The following JAKMIP1 variants were observed in gnomAD, a reference collection of about 807,000 sequenced individuals.
The protein encoded by JAKMIP1 is janus kinase and microtubule interacting protein 1.
In JAKMIP1, 33 loss-of-function variants were observed where a neutral mutation model predicts 113.0. The ratio of observed to expected loss-of-function variants is 0.29; its 90% CI spans 0.22 to 0.39. The LOEUF (loss-of-function observed/expected upper bound fraction) is 0.39. Ranked by LOEUF, JAKMIP1 falls within the 10% of genes least tolerant of loss-of-function variation. The probability of loss-of-function intolerance (pLI) is 1.00; values close to 1 mark genes in which losing one functional copy is unlikely to be tolerated. For synonymous variants in JAKMIP1, 480 were observed against 459.9 expected, an observed-to-expected ratio of 1.04 and a Z score of -0.56; for missense variants, 813 against 1,080.5, an observed-to-expected ratio of 0.75 and a Z score of 3.47.
chr4:6,113,789 G>T lies in JAKMIP1; in HGVS notation c.-147-792C>A, dbSNP rs1303693688. ...CATCTGACAAACTGTAATTGACTTA[G>T]TTCTCATCTATGTCCCCTACACGAG... On this transcript the variant is annotated intron_variant, in intron 1 of 20. Transcript: ENST00000409021. Among the ~76,000 whole-genome samples, 6 of 152,082 alleles carry T rather than the reference G, an allele frequency of 3.9e-5. No homozygotes were observed. In the East Asian group the frequency reaches 1.2e-3, roughly 30 times the overall value.
At chr4:6,056,061 C>G (rs1716390982) in intron 12 of JAKMIP1, among the ~76,000 whole-genome samples, 2 of 149,098 alleles carry the variant, frequency 1.3e-5, no homozygotes, top group East Asian at 2.0e-4. Context: ...CCCCAGAGGA[C>G]AGGGCTGCCC....
In JAKMIP1 at chr4:6,193,390, T is replaced by C. The variant is rs1727494330; in HGVS notation, c.-148+6863A>G. 6.6e-6 allele frequency among the ~76,000 whole-genome samples: 1 copy of C among 152,198 alleles called. No homozygotes were observed. Among genetic ancestry groups the C allele is most frequent in the Admixed American group, 6.5e-5 (1 of 15,278 alleles). ...TCAATTCTCCTTAATAAACTCCTTT[T>C]CATATACACATATATCCGATTAGTT... On this transcript the variant is annotated intron_variant, in intron 1 of 20. Coordinates refer to ENST00000409021, the MANE Select transcript of JAKMIP1 (RefSeq NM_001099433.2). The surrounding 1 kb of genome is among the most constrained non-coding windows in gnomAD (Gnocchi z 6.4).
At chr4:6,030,202 C>G (rs1020846242) in intron 19 of JAKMIP1, among the ~76,000 whole-genome samples, 1 of 151,560 alleles carries the variant, frequency 6.6e-6, no homozygotes, top group South Asian at 2.1e-4. Context: ...CACCACATCA[C>G]GTACTTGTCT....
In JAKMIP1 at chr4:6,108,673, C is replaced by T. The variant is rs1043515298; in HGVS notation, c.130-2706G>A. Among the ~76,000 whole-genome samples the T allele has an allele frequency of 2.6e-5, 4 of 152,198 alleles. No homozygotes were observed. Among genetic ancestry groups the T allele is most frequent in the African/African-American group, 9.7e-5 (4 of 41,450 alleles). ...CCACACCCTCCATGCTCAAAGCCCT[C>T]TAAATCTCATGGGTACCAGTTCACT... On this transcript the variant is annotated intron_variant, in intron 2 of 20. Transcript: ENST00000409021. This position sits in a 1 kb window ranked among gnomAD's most constrained non-coding sequence, Gnocchi z 5.6.
Position 6,142,452 on chromosome 4 carries a change from C to T in JAKMIP1, c.-147-29455G>A, listed in dbSNP as rs1218232348. 6.6e-6 allele frequency among the ~76,000 whole-genome samples: 1 copy of T among 152,232 alleles called. No individual in the cohort carries two copies. Among genetic ancestry groups the T allele is most frequent in the Non-Finnish European group, 1.5e-5 (1 of 68,036 alleles). ...ACCTCCAGCCAAAGTCTTACATGAA[C>T]TTGTCACATGAGAGAAGTCCTACGT... On this transcript the variant is annotated intron_variant, in intron 1 of 20. Transcript: ENST00000409021. This position sits in a 1 kb window ranked among gnomAD's most constrained non-coding sequence, Gnocchi z 5.5.
At chr4:6,118,486 G>T (rs1273083713) in intron 1 of JAKMIP1, among the ~76,000 whole-genome samples, 2 of 152,132 alleles carry the variant, frequency 1.3e-5, no homozygotes, top group African/African-American at 4.8e-5. Context: ...TTCAGTTCTG[G>T]AGCCAACAGG....
rs550695945 is a variant in JAKMIP1, at chr4:6,037,350, G to A, written c.2176-1243C>T. Among the ~76,000 whole-genome samples, 3 of 120,542 alleles carry A rather than the reference G, an allele frequency of 2.5e-5. No individual in the cohort carries two copies. In the East Asian group the frequency reaches 6.1e-4, roughly 25 times the overall value. The allele number at this position is 120,542 out of a possible 152,430, so 79.1% of individuals were successfully genotyped here. ...CATCACCGAGGCAGAGGTTAACCCA[G>A]TAGCCCTCCATCACCGAGGCAGAGG... On this transcript the variant is annotated intron_variant, in intron 18 of 20. Transcript: ENST00000409021.
At chr4:6,125,610 CA>C (rs1717325070) in intron 1 of JAKMIP1, among the ~76,000 whole-genome samples, 3 of 131,494 alleles carry the variant, frequency 2.3e-5, no homozygotes, top group African/African-American at 9.1e-5. Flanking sequence ...CACACACACA[CA>C]CACACCATAC....
In JAKMIP1 at chr4:6,178,597, G is replaced by T. The variant is rs564875682; in HGVS notation, c.-148+21656C>A. Among the ~76,000 whole-genome samples, 2 of 152,080 alleles carry T rather than the reference G, an allele frequency of 1.3e-5. No individual in the cohort carries two copies. The highest frequency in any genetic ancestry group is 2.9e-5 in the Non-Finnish European group (2 of 68,022). ...TTCGAAACTGCATCTCCTTGATACC[G>T]CCAGGTGAAGAAGGACGTGTTTGCT... On this transcript the variant is annotated intron_variant, in intron 1 of 20. Coordinates refer to ENST00000409021, the MANE Select transcript of JAKMIP1 (RefSeq NM_001099433.2). The surrounding 1 kb of genome is among the most constrained non-coding windows in gnomAD (Gnocchi z 5.5).
intron 3 of JAKMIP1, among the ~76,000 whole-genome samples, chr4:6,090,003 C>G (rs1721813861): frequency 6.6e-6 from 1 of 152,142 alleles, no homozygotes; most frequent in Non-Finnish European, 1.5e-5. Context: ...AGGCGAATCA[C>G]CTGGGGTCAG....
Position 6,035,884 on chromosome 4 carries a change from C to G in JAKMIP1, c.2379+20G>C. On this transcript the variant is annotated intron_variant, in intron 19 of 20. Coordinates refer to ENST00000409021, the MANE Select transcript of JAKMIP1 (RefSeq NM_001099433.2). Reference sequence around the variant, plus strand: ...CAAGGGTGCCGGGGTGCTGTGGGCACAGCCGCTGTTGCCGCCTACCTGCTG... The same window carrying G: ...CAAGGGTGCCGGGGTGCTGTGGGCAGAGCCGCTGTTGCCGCCTACCTGCTG... 2 of 1,539,780 alleles carry G rather than the reference C, an allele frequency of 1.3e-6. No individual in the cohort carries two copies. The highest frequency in any genetic ancestry group is 4.0e-4 in the Middle Eastern group (2 of 4,966).
intron 18 of JAKMIP1, among the ~76,000 whole-genome samples, chr4:6,038,050 C>A (rs1310223481): frequency 7.2e-6 from 1 of 139,536 alleles, no homozygotes; most frequent in Non-Finnish European, 1.5e-5. Flanking sequence ...CAGAGGCTAA[C>A]CAGTATCCCT....
At chr4:6,066,170 C>T (rs1267738792) in intron 8 of JAKMIP1, among the ~76,000 whole-genome samples, 1 of 152,124 alleles carries the variant, frequency 6.6e-6, no homozygotes, top group Non-Finnish European at 1.5e-5. Flanking sequence ...ACAGAGAAAA[C>T]CCAGGCACTC....
At chr4:6,101,556 C>A (rs1022783210) in intron 3 of JAKMIP1, among the ~76,000 whole-genome samples, 1 of 151,924 alleles carries the variant, frequency 6.6e-6, no homozygotes, top group African/African-American at 2.4e-5. Context: ...ATTTTTACAT[C>A]AAATTTAGAA....
At position 6,154,046 on chromosome 4, in the gene JAKMIP1, A is replaced by G. The variant is rs376914583; in HGVS notation, c.-147-41049T>C. Among the ~76,000 whole-genome samples the G allele has an allele frequency of 1.3e-5, 2 of 152,304 alleles. No individual in the cohort carries two copies. The highest frequency in any genetic ancestry group is 2.4e-5 in the African/African-American group (1 of 41,564). ...GCTGCTGAACCAGAGTGAGAGTTCA[A>G]GGCCATCTCTGCAGCCCCCAGACCA... On this transcript the variant is annotated intron_variant, in intron 1 of 20. Coordinates refer to ENST00000409021, the MANE Select transcript of JAKMIP1 (RefSeq NM_001099433.2). The surrounding 1 kb of genome is among the most constrained non-coding windows in gnomAD (Gnocchi z 4.2).
intron 8 of JAKMIP1, among the ~76,000 whole-genome samples, chr4:6,071,070 T>G (rs1192631700): frequency 6.6e-6 from 1 of 152,268 alleles, no homozygotes; most frequent in African/African-American, 2.4e-5. Context: ...GAAATGTACA[T>G]AGCAAAGTTC....
chr4:6,098,297 G>C (rs1043994016), intron 3 of JAKMIP1, among the ~76,000 whole-genome samples: 5 of 152,182 alleles, frequency 3.3e-5, no homozygotes, highest in African/African-American at 1.2e-4. Context: ...GCCAGGCGTA[G>C]TGGCAGGCGC....
intron 2 of JAKMIP1, among the ~76,000 whole-genome samples, chr4:6,111,802 G>A (rs748266641): frequency 1.1e-4 from 16 of 152,150 alleles, no homozygotes; most frequent in Non-Finnish European, 1.5e-4. Context: ...AGCTCATATC[G>A]CAGAACCAGG....
chr4:6,189,787 G>A (rs934344382), intron 1 of JAKMIP1, among the ~76,000 whole-genome samples: 7 of 152,202 alleles, frequency 4.6e-5, no homozygotes, highest in Non-Finnish European at 8.8e-5. Context: ...GAAGGAAGGC[G>A]CATGATGGAT....
Sources: allele counts gnomAD v4.1 joint callset (sites outside exome capture counted in the v4.1 genomes callset), GRCh38; gene constraint gnomAD v4.1.1; non-coding constraint Gnocchi (gnomAD v3.1); transcripts MANE v1.5; gene names NCBI Gene and HGNC (gene_info 2026-07-23, HGNC 2026-07-21).